Variants in SEPTIN10 observed in about 807,000 individuals in gnomAD.
The protein encoded by SEPTIN10 is septin-10.
Under a neutral mutation model 54.8 loss-of-function variants are expected in SEPTIN10, and 66 were observed. That is an observed-to-expected ratio of 1.21 (90% CI 0.99 to 1.48). The LOEUF is 1.48. Among genes scored for constraint, SEPTIN10 ranks in the 40% most tolerant of loss-of-function variants. SEPTIN10 has a pLI of 0.00. For missense variants in SEPTIN10, 620 were observed against 545.6 expected (o/e 1.14, Z -1.36); for synonymous variants, 161 against 181.0 (o/e 0.89, Z 0.89).
intron 1 of SEPTIN10, among the ~76,000 whole-genome samples, chr2:109,608,267 C>T (rs1698452668): frequency 6.6e-6 from 1 of 152,150 alleles, no homozygotes; most frequent in South Asian, 2.1e-4. Flanking sequence ...GACTGGGATA[C>T]AGTTTTCTCA....
At chr2:109,549,194 G>A (rs769923318) in intron 9 of SEPTIN10, among the ~76,000 whole-genome samples, 3 of 152,208 alleles carry the variant, frequency 2.0e-5, no homozygotes, top group Non-Finnish European at 2.9e-5. Context: ...CGTGTGCATC[G>A]GTGATGTGGG....
chr2:109,589,887 G>A (rs1693526043), intron 2 of SEPTIN10, among the ~76,000 whole-genome samples: 2 of 152,010 alleles, frequency 1.3e-5, no homozygotes, highest in African/African-American at 4.8e-5. Context: ...TAAACAAACT[G>A]TAGTATACTA....
intron 1 of SEPTIN10, among the ~76,000 whole-genome samples, chr2:109,597,707 G>A (rs1296141270): frequency 6.6e-6 from 1 of 152,146 alleles, no homozygotes; most frequent in Admixed American, 6.5e-5. Flanking sequence ...TTAACTCCTA[G>A]CAAGGTCTAC....
intron 10 of SEPTIN10, chr2:109,545,368 C>A (rs1160124789): frequency 1.3e-6 from 2 of 1,503,034 alleles, no homozygotes; most frequent in African/African-American, 1.4e-5. Context: ...ACTTGGGTAA[C>A]TGATTTTAAC....
chr2:109,561,259 T>C (rs1685591656), intron 8 of SEPTIN10, among the ~76,000 whole-genome samples: 1 of 152,162 alleles, frequency 6.6e-6, no homozygotes, highest in Non-Finnish European at 1.5e-5. Context: ...TGTCTTGCTC[T>C]GTTTTCCCCA....
chr2:109,560,395 TTCC>T (rs1326094582), intron 8 of SEPTIN10, among the ~76,000 whole-genome samples: 5 of 152,120 alleles, frequency 3.3e-5, no homozygotes, highest in African/African-American at 7.2e-5. Flanking sequence ...ACTGCTGGTT[TTCC>T]TCCTCCTCCC....
chr2:109,600,883 C>T (rs1696459759), intron 1 of SEPTIN10, among the ~76,000 whole-genome samples: 1 of 152,208 alleles, frequency 6.6e-6, no homozygotes. Flanking sequence ...GCTCCATTTA[C>T]CAGTTTATTA....
chr2:109,551,137 G>C (rs1478841870), intron 9 of SEPTIN10, among the ~76,000 whole-genome samples: 1 of 152,182 alleles, frequency 6.6e-6, no homozygotes, highest in African/African-American at 2.4e-5. Flanking sequence ...ACGATATTTG[G>C]AGACATCATT....
At chr2:109,583,657 C>A (rs979009056) in intron 4 of SEPTIN10, among the ~76,000 whole-genome samples, 10 of 152,142 alleles carry the variant, frequency 6.6e-5, no homozygotes, top group Admixed American at 6.6e-4. Flanking sequence ...AAAGAAAATA[C>A]CTCATTCTAC....
Position 109,585,784 on chromosome 2 carries a change from A to C in SEPTIN10, c.154T>G (p.Leu52Val), listed in dbSNP as rs1223471672. Residue 52 changes from leucine (L) to valine (V), a missense_variant, in exon 3 of 11, where the codon TTG becomes GTG. Leu to Val is a conservative substitution (Grantham distance 32). Transcript: ENST00000397712. ...GATCTGTTCACCAGCTGATCAGGCA[A>C]ACTCTCAAAACCAACATGGCCAGAC... ...TMSGHVGFESLPDQLVNRSIQ... is the reference protein window; with the variant it reads ...TMSGHVGFESVPDQLVNRSIQ... 2 of 1,613,980 alleles carry C rather than the reference A, an allele frequency of 1.2e-6. No individual in the cohort carries two copies. Among genetic ancestry groups the C allele is most frequent in the Non-Finnish European group, 1.7e-6 (2 of 1,180,006 alleles).
chr2:109,544,683 G>A, intron 10 of SEPTIN10: 2 of 885,686 alleles, frequency 2.3e-6, no homozygotes, highest in South Asian at 5.2e-5. Context: ...AGATCCATTA[G>A]CTTTAAAATC....
intron 4 of SEPTIN10, among the ~76,000 whole-genome samples, chr2:109,581,469 A>C (rs1185324417): frequency 6.6e-6 from 1 of 151,862 alleles, no homozygotes; most frequent in Non-Finnish European, 1.5e-5. Flanking sequence ...AGTAAAGTTT[A>C]TTCTATGTAC....
chr2:109,602,901 CAAAAAA>C (rs34841715), intron 1 of SEPTIN10, among the ~76,000 whole-genome samples: 2 of 110,394 alleles, frequency 1.8e-5, no homozygotes, highest in Admixed American at 9.3e-5. Flanking sequence ...GACCCTGTCT[CAAAAAA>C]AAAAAAAAAA....
In SEPTIN10 at chr2:109,545,714, T is replaced by TTAGC. The variant is rs1442904318; in HGVS notation, c.1349+332_1349+335dup. The TTAGC allele has an allele frequency of 6.9e-6, 10 of 1,453,280 alleles. No individual in the cohort carries two copies. In the East Asian group the frequency reaches 2.5e-4, roughly 36 times the overall value. 90.0% of individuals were successfully genotyped at this position (1,453,280 alleles called of 1,614,324 possible). A position where few individuals can be genotyped will look rare whatever the true frequency, so the allele number is the denominator to read the frequency against. On this transcript the variant is annotated intron_variant, in intron 10 of 10. Transcript: ENST00000397712. ...ATAACTCATGGTAGGTCAGCAGCCATTAGCTGTGTACTAGGGCCACGGCTG... is the reference window on the plus strand; with the variant it reads ...ATAACTCATGGTAGGTCAGCAGCCATTAGCTAGCTGTGTACTAGGGCCACGGCTG...
At chr2:109,548,324 AC>A (rs1262569295) in intron 9 of SEPTIN10, among the ~76,000 whole-genome samples, 1 of 152,228 alleles carries the variant, frequency 6.6e-6, no homozygotes, top group African/African-American at 2.4e-5. Flanking sequence ...GGTAAATCTG[AC>A]ATTAACATTT....
chr2:109,569,507 A>ATTGATGCCAAGTATAT (rs1472261661), intron 5 of SEPTIN10, among the ~76,000 whole-genome samples: 1 of 151,770 alleles, frequency 6.6e-6, no homozygotes, highest in Non-Finnish European at 1.5e-5. Context: ...CAAATTTCAC[A>ATTGATGCCAAGTATAT]TTGATGCCAA....
intron 8 of SEPTIN10, among the ~76,000 whole-genome samples, chr2:109,558,277 A>C (rs923941668): frequency 4.6e-5 from 7 of 152,316 alleles, no homozygotes; most frequent in African/African-American, 1.4e-4. Context: ...ACTTTTTCCA[A>C]GTCTACTATA....
At chr2:109,603,348 C>T (rs1221878166) in intron 1 of SEPTIN10, among the ~76,000 whole-genome samples, 1 of 152,022 alleles carries the variant, frequency 6.6e-6, no homozygotes, top group East Asian at 1.9e-4. Flanking sequence ...CATTCTCCTG[C>T]CTCAGCCTCC....
intron 1 of SEPTIN10, among the ~76,000 whole-genome samples, chr2:109,602,698 A>G (rs1696896847): frequency 6.7e-6 from 1 of 150,372 alleles, no homozygotes; most frequent in South Asian, 2.1e-4. Flanking sequence ...AAAAAAAAAA[A>G]GGATTACTAG....
Sources: allele counts gnomAD v4.1 joint callset (sites outside exome capture counted in the v4.1 genomes callset), GRCh38; gene constraint gnomAD v4.1.1; transcripts MANE v1.5; gene names NCBI Gene and HGNC (gene_info 2026-07-23, HGNC 2026-07-21).